TMEM120B: variants seen among roughly 807,000 people sequenced by gnomAD.
TMEM120B encodes transmembrane protein 120B.
A neutral mutation model predicts 55.5 loss-of-function variants in TMEM120B; 31 were observed. The observed-to-expected ratio is 0.56, with a 90% CI of 0.42 to 0.75. The LOEUF (loss-of-function observed/expected upper bound fraction) is 0.75, where lower values mean the gene tolerates loss of function less well. Among genes scored for constraint, TMEM120B ranks in the 30% least tolerant of loss-of-function variants. TMEM120B has a pLI of 0.00. For missense variants in TMEM120B, 399 were observed against 425.5 expected (o/e 0.94, Z 0.55); for synonymous variants, 203 against 176.3 (o/e 1.15, Z -1.20).
chr12:121,774,382 T>C (rs1391293968), intron 9 of TMEM120B, among the ~76,000 whole-genome samples: 1 of 152,182 alleles, frequency 6.6e-6, no homozygotes, highest in Non-Finnish European at 1.5e-5. Flanking sequence ...CCTGTGCAGA[T>C]TAAAGAAATT....
rs188123369 is a variant in TMEM120B at position 121,730,628 on chromosome 12, C to T, written c.70-13001C>T. On this transcript the variant is annotated intron_variant, in intron 1 of 11. Transcript: ENST00000449592. The stretch of plus-strand genomic sequence containing the variant: ...ATCACTCCACTGCACTCCAGCCTGG[C>T]GACAGAGCGAGACACAGTCAAAAAA... Among the ~76,000 whole-genome samples, 45 of 103,058 alleles carry T rather than the reference C, an allele frequency of 4.4e-4. No homozygotes were observed. In the East Asian group the frequency reaches 7.6e-3, roughly 17 times the overall value. The allele number at this position is 103,058 out of a possible 152,430, so 67.6% of individuals were successfully genotyped here.
intron 1 of TMEM120B, among the ~76,000 whole-genome samples, chr12:121,721,684 G>A (rs1464058124): frequency 1.3e-5 from 2 of 150,574 alleles, no homozygotes; most frequent in African/African-American, 4.9e-5. Context: ...TGGCCAAGCT[G>A]GTCTTGAACT....
intron 8 of TMEM120B, 58 bp downstream of exon 8, chr12:121,771,607 A>G: frequency 6.5e-7 from 1 of 1,528,870 alleles, no homozygotes; most frequent in South Asian, 1.1e-5. Context: ...GACTTTCACC[A>G]AGGGAGGGCC....
intron 1 of TMEM120B, among the ~76,000 whole-genome samples, chr12:121,721,281 T>C (rs1894784454): frequency 6.6e-6 from 1 of 151,596 alleles, no homozygotes; most frequent in Admixed American, 6.6e-5. Context: ...TGGGTTCAAG[T>C]GATTCTCCCT....
rs1323510951 is a variant in TMEM120B, at chr12:121,769,178, A to G, written c.552-1729A>G. Among the ~76,000 whole-genome samples, 3 of 151,192 alleles carry G rather than the reference A, an allele frequency of 2.0e-5. No homozygotes were observed. In the East Asian group the frequency reaches 5.8e-4, roughly 29 times the overall value. On this transcript the variant is annotated intron_variant, in intron 6 of 11. Coordinates refer to ENST00000449592, the MANE Select transcript of TMEM120B (RefSeq NM_001080825.2). The stretch of plus-strand genomic sequence containing the variant: ...AAAAAAAGGCAAAAAAAAAAACCCC[A>G]AAAAACCCAGCTGGGGGAGTGCTGA...
At chr12:121,722,848 C>CTTT (rs34271702) in intron 1 of TMEM120B, among the ~76,000 whole-genome samples, 7 of 133,080 alleles carry the variant, frequency 5.3e-5, no homozygotes, top group Admixed American at 1.6e-4. Flanking sequence ...TTTAAATTTA[C>CTTT]TTTTTTTTTT....
intron 1 of TMEM120B, among the ~76,000 whole-genome samples, chr12:121,730,581 G>A (rs1894980325): frequency 6.6e-6 from 1 of 150,646 alleles, no homozygotes; most frequent in Admixed American, 6.7e-5. Context: ...AATCCAGGAG[G>A]CGGAGGTTTC....
At chr12:121,737,523 G>A (rs948430081) in intron 1 of TMEM120B, among the ~76,000 whole-genome samples, 2 of 151,892 alleles carry the variant, frequency 1.3e-5, no homozygotes, top group African/African-American at 4.8e-5. Context: ...AAAAGTCACA[G>A]TTGGGAAGCT....
intron 8 of TMEM120B, 36 bp from the exon 9 acceptor site, chr12:121,773,385 C>G: frequency 6.3e-7 from 1 of 1,578,868 alleles, no homozygotes; most frequent in Non-Finnish European, 8.6e-7. Context: ...CCGGGGACAC[C>G]AGGCCCTGAG....
intron 1 of TMEM120B, among the ~76,000 whole-genome samples, chr12:121,729,787 C>T (rs9805066): frequency 0.19 from 28,603 of 151,882 alleles, 2,997 homozygotes; most frequent in African/African-American, 0.28. Context: ...CGACAGAGAG[C>T]GATCCCGTCT....
intron 1 of TMEM120B, among the ~76,000 whole-genome samples, chr12:121,743,162 TAAGGA>T (rs940966051): frequency 9.9e-5 from 15 of 152,226 alleles, no homozygotes; most frequent in African/African-American, 3.4e-4. Flanking sequence ...AGGGTGGCTT[TAAGGA>T]AAGGGGTATG....
chr12:121,723,975 T>C (rs943934761), intron 1 of TMEM120B, among the ~76,000 whole-genome samples: 2 of 150,924 alleles, frequency 1.3e-5, no homozygotes, highest in East Asian at 3.9e-4. Context: ...ATAATTAAAT[T>C]TTTTTTTTGA....
In TMEM120B at chr12:121,750,328, G is replaced by C. The variant is rs896167626; in HGVS notation, c.306-52G>C. 7 of 1,546,854 alleles carry C rather than the reference G, an allele frequency of 4.5e-6. No individual in the cohort carries two copies. The African/African-American group carries it at 8.2e-5, about 18-fold the overall frequency. ...AAGTGTGTTGAGTTTGAATGTTGTT[G>C]ATTCGCACCCACCTGCTAAGGATCA... On this transcript the variant is annotated intron_variant, in intron 3 of 11. Transcript: ENST00000449592.
intron 2 of TMEM120B, among the ~76,000 whole-genome samples, chr12:121,745,840 T>C (rs1272476467): frequency 6.6e-6 from 1 of 151,666 alleles, no homozygotes; most frequent in African/African-American, 2.4e-5. Flanking sequence ...TGTACCACCA[T>C]GCTTGGTTGT....
intron 1 of TMEM120B, among the ~76,000 whole-genome samples, chr12:121,725,881 A>G (rs1333617278): frequency 1.3e-5 from 2 of 152,002 alleles, no homozygotes; most frequent in African/African-American, 4.8e-5. Flanking sequence ...TACTATAAAT[A>G]CAAGAATTAG....
chr12:121,775,085 C>A lies in TMEM120B; in HGVS notation c.861C>A (p.Val287=). Residue 287 remains valine, a synonymous_variant, in exon 11 of 12, where the codon GTC becomes GTA. Coordinates refer to ENST00000449592, the MANE Select transcript of TMEM120B (RefSeq NM_001080825.2). The surrounding 1 kb of genome is among the most constrained non-coding windows in gnomAD (Gnocchi z 4.3). ...AGTTCTGGCAGCTCTACAATGCCGT[C>A]ACGCTGTTTGAGCTCTCCAGCCACG... ...CGHFWQLYNA[V]TLFELSSHEE... The A allele has an allele frequency of 6.2e-7, 1 of 1,611,494 alleles. No individual in the cohort carries two copies. Among genetic ancestry groups the A allele is most frequent in the South Asian group, 1.1e-5 (1 of 91,014 alleles).
In TMEM120B at chr12:121,712,794, T is replaced by G; in HGVS notation, c.-102T>G. 2.4e-6 allele frequency: 2 copies of G among 843,834 alleles called. No homozygotes were observed. The highest frequency in any genetic ancestry group is 3.2e-6 in the Non-Finnish European group (2 of 625,622). 52.3% of individuals were successfully genotyped at this position (843,834 alleles called of 1,614,324 possible). A position where few individuals can be genotyped will look rare whatever the true frequency, so the allele number is the denominator to read the frequency against. ...TGGCTGCGCAGGAACAGCTGGTGCC[T>G]CCGAGGGCGGTCGGCGAGCGCGCGG... On this transcript the variant is annotated 5_prime_UTR_variant, in exon 1 of 12. Transcript: ENST00000449592.
intron 5 of TMEM120B, among the ~76,000 whole-genome samples, chr12:121,756,483 C>T (rs1873478761): frequency 6.6e-6 from 1 of 152,210 alleles, no homozygotes; most frequent in African/African-American, 2.4e-5. Flanking sequence ...TGGTCTCAAA[C>T]TCCTAAAGTC....
At chr12:121,721,704 G>A (rs1894791680) in intron 1 of TMEM120B, among the ~76,000 whole-genome samples, 1 of 150,654 alleles carries the variant, frequency 6.6e-6, no homozygotes, top group Admixed American at 6.7e-5. Context: ...TCCTAACCTC[G>A]TGATCCGCCC....
Sources: gnomAD v4.1 joint callset for allele counts (sites outside exome capture counted in the v4.1 genomes callset) on GRCh38, gnomAD v4.1.1 for gene constraint, Gnocchi (gnomAD v3.1) non-coding constraint, MANE v1.5 for transcripts, NCBI Gene and HGNC (gene_info 2026-07-23, HGNC 2026-07-21) for gene names.